Variants in FARP2 observed in about 807,000 individuals in gnomAD.
FARP2 encodes FERM, ARH/RhoGEF and pleckstrin domain protein 2, also known as FERM, ARHGEF and pleckstrin domain-containing protein 2.
FARP2 carries 111 observed loss-of-function variants against 130.5 expected under a neutral mutation model. The ratio of observed to expected loss-of-function variants is 0.85; its 90% CI spans 0.73 to 1.00. The LOEUF is 1.00. FARP2 is among the 50% of genes least tolerant of loss of function. The pLI, the probability that FARP2 is intolerant of heterozygous loss-of-function variation, is 0.00. For synonymous variants in FARP2, 504 were observed against 516.9 expected, an observed-to-expected ratio of 0.98 and a Z score of 0.34; for missense variants, 1,385 against 1,346.3, an observed-to-expected ratio of 1.03 and a Z score of -0.45.
chr2:241,440,555 G>C (rs1170424425), intron 12 of FARP2, among the ~76,000 whole-genome samples: 3 of 152,074 alleles, frequency 2.0e-5, no homozygotes, highest in Non-Finnish European at 4.4e-5. Flanking sequence ...CAGGTCTCTT[G>C]TGCCACTCCC....
Position 241,431,717 on chromosome 2 carries a change from C to T in FARP2, c.810C>T (p.Val270=). The T allele has an allele frequency of 6.2e-7, 1 of 1,602,834 alleles. No individual in the cohort carries two copies. Among genetic ancestry groups the T allele is most frequent in the Non-Finnish European group, 8.5e-7 (1 of 1,172,184 alleles). The part of the protein sequence containing the change: ...TKINTFNWSK[V]RKLSFKRKRF... Reference sequence around the variant, plus strand: ...TCAACACTTTCAACTGGTCCAAGGTCCGTAAACTAAGCTTCAAGAGGAAAA... The same window carrying T: ...TCAACACTTTCAACTGGTCCAAGGTTCGTAAACTAAGCTTCAAGAGGAAAA... Residue 270 remains valine, a synonymous_variant, in exon 9 of 27, where the codon GTC becomes GTT. Transcript: ENST00000264042.
chr2:241,367,963 C>G (rs2061350578), intron 1 of FARP2, among the ~76,000 whole-genome samples: 1 of 151,596 alleles, frequency 6.6e-6, no homozygotes, highest in African/African-American at 2.4e-5. Context: ...TCCATATACC[C>G]TCCACCCCCA....
chr2:241,413,441 T>C lies in FARP2; in HGVS notation c.623+20T>C. On this transcript the variant is annotated intron_variant, in intron 7 of 26. Transcript: ENST00000264042. ...GCACGTGTAAGTCATCACAATTGTC[T>C]GTCAACACATTGTCACCACAGTAAT... The C allele has an allele frequency of 1.4e-6, 2 of 1,474,716 alleles. No individual in the cohort carries two copies. The highest frequency in any genetic ancestry group is 1.9e-6 in the Non-Finnish European group (2 of 1,059,226). 91.4% of individuals were successfully genotyped at this position (1,474,716 alleles called of 1,614,324 possible). A position where few individuals can be genotyped will look rare whatever the true frequency, so the allele number is the denominator to read the frequency against.
chr2:241,468,206 T>C lies in FARP2; in HGVS notation c.1960T>C (p.Cys654Arg). 6.2e-7 allele frequency: 1 copy of C among 1,614,164 alleles called. No individual in the cohort carries two copies. Among genetic ancestry groups the C allele is most frequent in the South Asian group, 1.1e-5 (1 of 91,090 alleles). The change falls in exon 18 of 27, where the codon TGT becomes CGT. Residue 654 changes from cysteine (C) to arginine (R), a missense_variant. Physicochemically the swap from Cys to Arg is radical, Grantham distance 180 (BLOSUM62 -3). Coordinates refer to ENST00000264042, the MANE Select transcript of FARP2 (RefSeq NM_014808.4). Reference sequence around the variant, plus strand: ...AGAACTGGAAAAGGCTACCAAACGCTGTAAGAAGTTGGAGGCAGTGTACAA... The same window carrying C: ...AGAACTGGAAAAGGCTACCAAACGCCGTAAGAAGTTGGAGGCAGTGTACAA... The part of the protein sequence containing the change: ...LTELEKATKR[C>R]KKLEAVYKEF...
chr2:241,453,940 C>T (rs1274647124), intron 13 of FARP2, among the ~76,000 whole-genome samples: 2 of 104,126 alleles, frequency 1.9e-5, no homozygotes, highest in African/African-American at 6.9e-5. Flanking sequence ...CATGCCACCA[C>T]ACCTGGCTAA....
chr2:241,373,203 G>C lies in FARP2; in HGVS notation c.96G>C (p.Gly32=). 1 of 1,581,530 alleles carries C rather than the reference G, an allele frequency of 6.3e-7. No homozygotes were observed. Among genetic ancestry groups the C allele is most frequent in the Non-Finnish European group, 8.6e-7 (1 of 1,158,852 alleles). Residue 32 remains glycine (G), a synonymous_variant, in exon 2 of 27, where the codon GGG becomes GGC. Transcript: ENST00000264042. ...TGGGAGTTAGCACCCTTGAGCCTGG[G>C]CAGACTCTCTTGCCCAGAATGCAAG... ...TPVGVSTLEP[G]QTLLPRMQEK... is the part of the protein sequence containing the mutation.
chr2:241,363,034 C>T (rs1057290517), intron 1 of FARP2, among the ~76,000 whole-genome samples: 16 of 152,304 alleles, frequency 1.1e-4, no homozygotes, highest in South Asian at 1.0e-3. Context: ...TTGAGGACTC[C>T]GACAAGTAAA....
At chr2:241,406,412 T>TGC (rs1491214949) in intron 4 of FARP2, among the ~76,000 whole-genome samples, 1 of 120,148 alleles carries the variant, frequency 8.3e-6, no homozygotes, top group Non-Finnish European at 1.6e-5. Context: ...TGTCTGTGTG[T>TGC]ATATATATAG....
At chr2:241,374,479 A>C (rs2061491110) in intron 2 of FARP2, among the ~76,000 whole-genome samples, 1 of 152,214 alleles carries the variant, frequency 6.6e-6, no homozygotes, top group Admixed American at 6.5e-5. Context: ...GTTTATTTAC[A>C]CTTGGGAATT....
At chr2:241,374,499 G>A (rs534653878) in intron 2 of FARP2, among the ~76,000 whole-genome samples, 1 of 152,242 alleles carries the variant, frequency 6.6e-6, no homozygotes, top group Non-Finnish European at 1.5e-5. Context: ...TTCTTTTGAG[G>A]AGTCAAGATG....
At chr2:241,466,726 G>A (rs1221436126) in intron 17 of FARP2, 1 of 471,798 alleles carries the variant, frequency 2.1e-6, no homozygotes, top group African/African-American at 2.3e-5. Context: ...ACCCTCCTAG[G>A]GGCTTCCAGA....
In FARP2 at chr2:241,490,031, G is replaced by T. The variant is rs773098796; in HGVS notation, c.2491G>T (p.Val831Leu). 4 of 1,613,336 alleles carry T rather than the reference G, an allele frequency of 2.5e-6. No homozygotes were observed. In the African/African-American group the frequency reaches 5.3e-5, roughly 22 times the overall value. The change falls in exon 22 of 27, where the codon GTG (valine) becomes TTG (leucine). Residue 831 changes from valine to leucine, a missense_variant. By Grantham distance (32) the Val-to-Leu change is conservative. Coordinates refer to ENST00000264042, the MANE Select transcript of FARP2 (RefSeq NM_014808.4). ...FTIYAAQKTI[V>L]VAASTRLEKE... ...CATCTACGCGGCTCAGAAAACAATC[G>T]TGGTGGCAGCCAGGTAAGGGTCTTC...
At chr2:241,454,900 A>C (rs1477236577) in intron 13 of FARP2, among the ~76,000 whole-genome samples, 2 of 152,144 alleles carry the variant, frequency 1.3e-5, no homozygotes, top group African/African-American at 4.8e-5. Context: ...GAATCCTAAT[A>C]ACTAGAATTC....
chr2:241,382,397 C>T (rs1037604003), intron 2 of FARP2, among the ~76,000 whole-genome samples: 4 of 151,242 alleles, frequency 2.6e-5, no homozygotes, highest in Non-Finnish European at 4.4e-5. Flanking sequence ...GATCCTCACA[C>T]CTCAGCCTCC....
intron 22 of FARP2, among the ~76,000 whole-genome samples, chr2:241,490,466 C>T (rs572532037): frequency 6.6e-6 from 1 of 152,192 alleles, no homozygotes; most frequent in African/African-American, 2.4e-5. Flanking sequence ...AACACTGCCT[C>T]CCAGTCCCAG....
intron 19 of FARP2, among the ~76,000 whole-genome samples, chr2:241,481,542 G>A (rs1429881210): frequency 1.3e-5 from 2 of 152,174 alleles, no homozygotes; most frequent in Admixed American, 6.6e-5. Flanking sequence ...CCCCACTTTG[G>A]GAGTCTGGGC....
chr2:241,368,926 T>C (rs1031781921), intron 1 of FARP2, among the ~76,000 whole-genome samples: 4 of 152,162 alleles, frequency 2.6e-5, no homozygotes, highest in Admixed American at 2.0e-4. Flanking sequence ...TTATGCCACG[T>C]TACTATTATG....
intron 2 of FARP2, among the ~76,000 whole-genome samples, chr2:241,400,878 T>C (rs553443178): frequency 6.6e-6 from 1 of 152,182 alleles, no homozygotes; most frequent in Non-Finnish European, 1.5e-5. Context: ...CGGTTCATAA[T>C]TTCTGACTAG....
intron 20 of FARP2, 55 bp from the exon 21 acceptor site, chr2:241,484,187 A>C (rs2064696538): frequency 1.2e-5 from 19 of 1,609,212 alleles, no homozygotes; most frequent in Non-Finnish European, 1.6e-5. Context: ...AGTTGGTCTG[A>C]CTATTAAGAC....
Sources: allele counts gnomAD v4.1 joint callset (sites outside exome capture counted in the v4.1 genomes callset), GRCh38; gene constraint gnomAD v4.1.1; transcripts MANE v1.5; gene names NCBI Gene and HGNC (gene_info 2026-07-23, HGNC 2026-07-21).